MINAR1: variants seen among roughly 807,000 people sequenced by gnomAD.
The protein encoded by MINAR1 is major intrinsically disordered Notch2-binding receptor 1.
MINAR1 carries 40 observed loss-of-function variants against 65.1 expected under a neutral mutation model. The ratio of observed to expected loss-of-function variants is 0.61; its 90% CI spans 0.48 to 0.80. MINAR1 has a LOEUF of 0.80. MINAR1 is among the 30% of genes least tolerant of loss of function. The pLI is 0.00. For synonymous variants in MINAR1, 482 were observed against 449.1 expected, an observed-to-expected ratio of 1.07 and a Z score of -0.93; for missense variants, 1,128 against 1,148.0, an observed-to-expected ratio of 0.98 and a Z score of 0.25.
the MINAR1 span, chr15:79,420,896 G>A: frequency 6.6e-6 from 1 of 152,306 alleles, no homozygotes; most frequent in African/African-American, 2.4e-5. Flanking sequence ...ATAGCTTCCA[G>A]GAGCTCCAGC....
intron 1 of MINAR1, among the ~76,000 whole-genome samples, chr15:79,437,800 T>G (rs1210500720): frequency 6.0e-4 from 7 of 11,584 alleles, no homozygotes; most frequent in Admixed American, 1.5e-3. Flanking sequence ...GGTGTGGGGT[T>G]GGCAGTGAGT....
chr15:79,419,445 C>T, the MINAR1 span: 1 of 152,190 alleles, frequency 6.6e-6, no homozygotes, highest in Non-Finnish European at 1.5e-5. Context: ...TGTGACTGTC[C>T]ACTGGCCAGC....
intron 1 of MINAR1, among the ~76,000 whole-genome samples, chr15:79,442,700 T>C (rs1894906011): frequency 3.3e-5 from 5 of 151,926 alleles, no homozygotes; most frequent in Admixed American, 3.3e-4. Flanking sequence ...TTATATAAAT[T>C]TTCTTTTAGC....
At chr15:79,428,357 CCTTTT>C (rs1894363954), upstream of MINAR1, among the ~76,000 whole-genome samples, 2 of 100,500 alleles carry the variant, frequency 2.0e-5, no homozygotes, top group Non-Finnish European at 3.9e-5. Flanking sequence ...CTCCTTGCCT[CCTTTT>C]CTTCTTTCTT....
Position 79,457,707 on chromosome 15 carries a change from C to T in MINAR1, c.1560C>T (p.Asp520=). ...DSEIVSDDIS[D]IFRFLDDMSI... is the part of the protein sequence containing the mutation. The stretch of plus-strand genomic sequence containing the variant: ...AAATTGTCAGCGACGACATCAGTGA[C>T]ATTTTCCGATTTCTTGATGACATGA... Residue 520 remains aspartate (D), a synonymous_variant, in exon 2 of 4, where the codon GAC becomes GAT. Coordinates refer to ENST00000305428, the MANE Select transcript of MINAR1 (RefSeq NM_015206.3). 1 of 1,614,176 alleles carries T rather than the reference C, an allele frequency of 6.2e-7. No individual in the cohort carries two copies. Among genetic ancestry groups the T allele is most frequent in the South Asian group, 1.1e-5 (1 of 91,080 alleles).
intron 1 of MINAR1, among the ~76,000 whole-genome samples, chr15:79,448,348 G>A (rs188514544): frequency 2.0e-5 from 3 of 152,262 alleles, no homozygotes; most frequent in East Asian, 1.9e-4. Flanking sequence ...TGTGGAAGAT[G>A]GCTATCTCTG....
At chr15:79,416,341 A>G in the MINAR1 span, 1 of 152,230 alleles carries the variant, frequency 6.6e-6, no homozygotes, top group Non-Finnish European at 1.5e-5. Context: ...CTTGCCTGGC[A>G]CATCTGGAAA....
At chr15:79,414,667 T>C in the MINAR1 span, 2 of 152,118 alleles carry the variant, frequency 1.3e-5, no homozygotes, top group African/African-American at 4.8e-5. Context: ...TTTAGCGTGG[T>C]TGGAGATGTA....
At chr15:79,466,548 A>ATGGT in intron 3 of MINAR1, among the ~76,000 whole-genome samples, 1 of 152,346 alleles carries the variant, frequency 6.6e-6, no homozygotes, top group East Asian at 1.9e-4. Context: ...CCATTTAAAA[A>ATGGT]TGGAAAAAAA....
In MINAR1 at chr15:79,471,278, T is replaced by TAAAAGTAATAAAATATTATTTGA. The variant is rs1229877991; in HGVS notation, c.*2895_*2917dup. The TAAAAGTAATAAAATATTATTTGA allele has an allele frequency of 6.6e-6, 1 of 152,552 alleles. No individual in the cohort carries two copies. The highest frequency in any genetic ancestry group is 1.5e-5 in the Non-Finnish European group (1 of 68,040). The allele number at this position is 152,552 out of a possible 1,614,324, so 9.4% of individuals were successfully genotyped here. A position where few individuals can be genotyped will look rare whatever the true frequency, so the allele number is the denominator to read the frequency against. On this transcript the variant is annotated 3_prime_UTR_variant, in exon 4 of 4. Coordinates refer to ENST00000305428, the MANE Select transcript of MINAR1 (RefSeq NM_015206.3). Reference sequence around the variant, plus strand: ...AATTCACTTCGTTTTTCCTGCATTTTAAAAGTAATAAAATATTATTTGAGA... The same window carrying TAAAAGTAATAAAATATTATTTGA: ...AATTCACTTCGTTTTTCCTGCATTTTAAAAGTAATAAAATATTATTTGAAAAAGTAATAAAATATTATTTGAGA...
At chr15:79,453,350 C>A (rs1204381115) in intron 1 of MINAR1, among the ~76,000 whole-genome samples, 1 of 152,070 alleles carries the variant, frequency 6.6e-6, no homozygotes, top group East Asian at 1.9e-4. Context: ...TCCACTTGGG[C>A]CCCTAACCCC....
At chr15:79,416,432 T>C in the MINAR1 span, 1 of 152,218 alleles carries the variant, frequency 6.6e-6, no homozygotes, top group Non-Finnish European at 1.5e-5. Flanking sequence ...TATGAGAAAT[T>C]CCTAGCTTGC....
At chr15:79,418,583 G>A in the MINAR1 span, 1 of 152,328 alleles carries the variant, frequency 6.6e-6, no homozygotes, top group African/African-American at 2.4e-5. Context: ...AGCCACCAAG[G>A]AAAGCCCTAA....
At chr15:79,440,238 T>C (rs1169099574) in intron 1 of MINAR1, among the ~76,000 whole-genome samples, 1 of 152,108 alleles carries the variant, frequency 6.6e-6, no homozygotes, top group Admixed American at 6.5e-5. Context: ...TACAAGGCTG[T>C]TGTGAGTTTC....
At chr15:79,423,719 C>T in the MINAR1 span, 2 of 152,216 alleles carry the variant, frequency 1.3e-5, no homozygotes, top group Non-Finnish European at 2.9e-5. Flanking sequence ...GGCTGAAATC[C>T]CTGCTCCAGC....
chr15:79,450,122 G>A (rs1456678213), intron 1 of MINAR1, among the ~76,000 whole-genome samples: 1 of 152,204 alleles, frequency 6.6e-6, no homozygotes, highest in Admixed American at 6.5e-5. Flanking sequence ...GGAACCCTGG[G>A]TGTTGGGGAC....
chr15:79,449,218 C>T (rs753156189), intron 1 of MINAR1, among the ~76,000 whole-genome samples: 6 of 152,196 alleles, frequency 3.9e-5, no homozygotes, highest in Non-Finnish European at 5.9e-5. Flanking sequence ...TCCCCATCAG[C>T]GTATCCTGTA....
At chr15:79,466,773 A>C (rs946964383) in intron 3 of MINAR1, among the ~76,000 whole-genome samples, 3 of 152,198 alleles carry the variant, frequency 2.0e-5, no homozygotes, top group Non-Finnish European at 4.4e-5. Context: ...GACTCTTTAC[A>C]ATAGCTGGTG....
intron 2 of MINAR1, among the ~76,000 whole-genome samples, chr15:79,460,793 G>A (rs1895616603): frequency 1.3e-5 from 2 of 152,196 alleles, no homozygotes; most frequent in Admixed American, 1.3e-4. Flanking sequence ...TCAACTAGAA[G>A]GCTCTGTTAT....
Sources: allele counts gnomAD v4.1 joint callset (sites outside exome capture counted in the v4.1 genomes callset), GRCh38; gene constraint gnomAD v4.1.1; transcripts MANE v1.5; gene names NCBI Gene and HGNC (gene_info 2026-07-23, HGNC 2026-07-21).